TC2N: variants seen among roughly 807,000 people sequenced by gnomAD.
TC2N encodes the protein tandem C2 domains, nuclear.
A neutral mutation model predicts 61.9 loss-of-function variants in TC2N; 51 were observed. The observed-to-expected ratio is 0.82, with a 90% CI of 0.66 to 1.04. The LOEUF (loss-of-function observed/expected upper bound fraction) is 1.04. TC2N is among the 50% of genes least tolerant of loss of function. The pLI is 0.00. For synonymous variants in TC2N, 204 were observed against 192.6 expected, an observed-to-expected ratio of 1.06 and a Z score of -0.49; for missense variants, 556 against 566.7, an observed-to-expected ratio of 0.98 and a Z score of 0.19.
chr14:91,847,040 C>T (rs1365094503), intron 1 of TC2N, among the ~76,000 whole-genome samples: 1 of 152,168 alleles, frequency 6.6e-6, no homozygotes, highest in Non-Finnish European at 1.5e-5. Context: ...GGCGGATCAC[C>T]TGAGGTCAGG....
chr14:91,814,520 G>A lies in TC2N; in HGVS notation c.-56-695C>T, dbSNP rs140567637. Among the ~76,000 whole-genome samples the A allele has an allele frequency of 1.3e-3, 189 of 151,170 alleles. 1 individual carries two copies. The highest frequency in any genetic ancestry group is 4.0e-3 in the African/African-American group (167 of 41,362). The stretch of plus-strand genomic sequence containing the variant: ...GGAGAAATGAAGATGACAGCAAGAT[G>A]AGAAGTATAAAAGGGCAGACAAATC... On this transcript the variant is annotated intron_variant, in intron 1 of 11. Coordinates refer to ENST00000435962, the MANE Select transcript of TC2N (RefSeq NM_001128596.3).
intron 1 of TC2N, among the ~76,000 whole-genome samples, chr14:91,823,890 AAACAACAAC>A (rs200435387): frequency 6.6e-6 from 1 of 152,162 alleles, no homozygotes; most frequent in African/African-American, 2.4e-5. Context: ...ATCAATTAAA[AAACAACAAC>A]AACAACAACA....
Position 91,837,809 on chromosome 14 carries a change from CTT to C in TC2N, c.-56-23986_-56-23985del, listed in dbSNP as rs920958008. On this transcript the variant is annotated intron_variant, in intron 1 of 11. Coordinates refer to ENST00000435962, the MANE Select transcript of TC2N (RefSeq NM_001128596.3). The surrounding 1 kb of genome is among the most constrained non-coding windows in gnomAD (Gnocchi z 4.2). ...CCCAAATGTGTTTGACCATAGAACT[CTT>C]TTCTTGAGAAAGGCCTGTTTCCAAT... 6.6e-6 allele frequency among the ~76,000 whole-genome samples: 1 copy of C among 152,228 alleles called. No individual in the cohort carries two copies. Among genetic ancestry groups the C allele is most frequent in the African/African-American group, 2.4e-5 (1 of 41,462 alleles).
intron 1 of TC2N, among the ~76,000 whole-genome samples, chr14:91,820,580 A>G (rs1169388222): frequency 1.3e-5 from 2 of 151,880 alleles, no homozygotes; most frequent in Non-Finnish European, 2.9e-5. Flanking sequence ...CTCTACCTTT[A>G]TTCAACACTA....
chr14:91,830,388 G>A (rs1024041526), intron 1 of TC2N, among the ~76,000 whole-genome samples: 1 of 152,142 alleles, frequency 6.6e-6, no homozygotes, highest in African/African-American at 2.4e-5. Flanking sequence ...ATGAAGTACT[G>A]ATTCACACTA....
intron 3 of TC2N, among the ~76,000 whole-genome samples, chr14:91,810,868 G>GA (rs145368390): frequency 0.015 from 2,231 of 145,974 alleles, 51 homozygotes; most frequent in African/African-American, 0.051. Context: ...AAAGATACTT[G>GA]AAAAAAAAAA....
intron 11 of TC2N, among the ~76,000 whole-genome samples, 156 bp from the exon 12 acceptor site, chr14:91,783,366 C>T (rs1236558831): frequency 6.6e-6 from 1 of 151,948 alleles, no homozygotes; most frequent in African/African-American, 2.4e-5. Flanking sequence ...AGATTGATTT[C>T]TCTATTTGAC....
intron 8 of TC2N, among the ~76,000 whole-genome samples, chr14:91,796,263 CACAT>C (rs914425904): frequency 9.2e-5 from 14 of 152,042 alleles, no homozygotes; most frequent in Non-Finnish European, 1.5e-4. Context: ...TATACATATA[CACAT>C]ACATACATAT....
intron 9 of TC2N, among the ~76,000 whole-genome samples, chr14:91,792,121 AG>A (rs199829136): frequency 0.033 from 5,024 of 150,426 alleles, 138 homozygotes; most frequent in Non-Finnish European, 0.042. Flanking sequence ...TCCATCTCAA[AG>A]AAAAAAAGAA....
intron 1 of TC2N, among the ~76,000 whole-genome samples, chr14:91,821,139 T>A (rs1272026459): frequency 1.3e-5 from 2 of 151,552 alleles, no homozygotes; most frequent in African/African-American, 4.8e-5. Context: ...CTAAAACTCA[T>A]ATGGGAACGT....
At chr14:91,800,541 GTTATT>G (rs1274633891) in intron 4 of TC2N, among the ~76,000 whole-genome samples, 169 bp from the exon 5 acceptor site, 7 of 151,870 alleles carry the variant, frequency 4.6e-5, no homozygotes, top group African/African-American at 7.3e-5. Context: ...ATTTTTTTCA[GTTATT>G]TTATTTTTGT....
chr14:91,836,004 C>A (rs1887983396), intron 1 of TC2N, among the ~76,000 whole-genome samples: 2 of 152,172 alleles, frequency 1.3e-5, no homozygotes, highest in Non-Finnish European at 1.5e-5. Flanking sequence ...TAGCCTCGCC[C>A]CGTCGCCCAC....
intron 1 of TC2N, among the ~76,000 whole-genome samples, chr14:91,823,768 A>G (rs187463682): frequency 1.1e-3 from 169 of 152,262 alleles, no homozygotes; most frequent in Admixed American, 2.2e-3. Context: ...ACAAGGAGAA[A>G]CAAATATAAA....
intron 11 of TC2N, 40 bp from the exon 12 acceptor site, chr14:91,783,250 A>G: frequency 8.6e-7 from 1 of 1,158,020 alleles, no homozygotes; most frequent in Non-Finnish European, 1.3e-6. Flanking sequence ...ACTTGACACA[A>G]TAATAATAAC....
intron 1 of TC2N, among the ~76,000 whole-genome samples, chr14:91,865,507 T>C (rs756095085): frequency 6.6e-6 from 1 of 152,044 alleles, no homozygotes; most frequent in Non-Finnish European, 1.5e-5. Context: ...AATCTGTATA[T>C]TTGTTTGTAG....
intron 1 of TC2N, among the ~76,000 whole-genome samples, chr14:91,854,508 TGGAGGA>T (rs111798033): frequency 0.53 from 49,905 of 94,550 alleles, 10,484 homozygotes; most frequent in South Asian, 0.64. Context: ...GAGAAGGAGG[TGGAGGA>T]GGAGGAGGAG....
chr14:91,786,487 C>T (rs1385968924), intron 10 of TC2N, among the ~76,000 whole-genome samples: 1 of 152,178 alleles, frequency 6.6e-6, no homozygotes, highest in African/African-American at 2.4e-5. Context: ...TCTCCCAGTA[C>T]AATTACCTTG....
At chr14:91,798,573 A>G (rs968951666) in intron 6 of TC2N, among the ~76,000 whole-genome samples, 174 bp from the exon 7 acceptor site, 1 of 152,018 alleles carries the variant, frequency 6.6e-6, no homozygotes, top group African/African-American at 2.4e-5. Flanking sequence ...GAAGCACTAG[A>G]GGGAAGATAT....
intron 8 of TC2N, among the ~76,000 whole-genome samples, chr14:91,796,031 A>C (rs779792901): frequency 5.3e-5 from 8 of 152,058 alleles, no homozygotes; most frequent in Non-Finnish European, 1.0e-4. Context: ...TAATAATAAA[A>C]TTGTAAAATG....
Sources: allele counts gnomAD v4.1 joint callset (sites outside exome capture counted in the v4.1 genomes callset), GRCh38; gene constraint gnomAD v4.1.1; non-coding constraint Gnocchi (gnomAD v3.1); transcripts MANE v1.5; gene names NCBI Gene and HGNC (gene_info 2026-07-23, HGNC 2026-07-21).